COMMD10: variants seen among roughly 807,000 people sequenced by gnomAD.
COMMD10 encodes COMM domain-containing protein 10.
In COMMD10, 33 loss-of-function variants were observed where a neutral mutation model predicts 28.9. The ratio of observed to expected loss-of-function variants is 1.14; its 90% confidence interval spans 0.87 to 1.53. The LOEUF (loss-of-function observed/expected upper bound fraction) is 1.53. COMMD10 is among the 40% of genes most tolerant of loss of function. COMMD10 has a pLI of 0.00. For synonymous variants in COMMD10, 110 were observed against 81.7 expected, an observed-to-expected ratio of 1.35 and a Z score of -1.87; for missense variants, 310 against 233.4, an observed-to-expected ratio of 1.33 and a Z score of -2.14.
At chr5:116,216,911 C>T (rs1007942188) in intron 5 of COMMD10, among the ~76,000 whole-genome samples, 25 of 151,936 alleles carry the variant, frequency 1.6e-4, no homozygotes, top group Admixed American at 1.2e-3. Context: ...ATTTTTTAAC[C>T]TGTTCTTCAG....
At chr5:116,124,014 ACT>A (rs777013046) in intron 4 of COMMD10, among the ~76,000 whole-genome samples, 5 of 151,740 alleles carry the variant, frequency 3.3e-5, no homozygotes, top group Non-Finnish European at 5.9e-5. Context: ...TTTTCAAAAA[ACT>A]GGTTTCTGGA....
chr5:116,228,046 A>T (rs1011505721), intron 5 of COMMD10, among the ~76,000 whole-genome samples: 1 of 152,050 alleles, frequency 6.6e-6, no homozygotes, highest in Non-Finnish European at 1.5e-5. Context: ...AAACAGGATT[A>T]TGAGGTAGGA....
chr5:116,164,246 A>G (rs1753019291), intron 5 of COMMD10, among the ~76,000 whole-genome samples: 1 of 151,748 alleles, frequency 6.6e-6, no homozygotes. Context: ...GCTTGAACCC[A>G]GGAGGAGGAG....
In COMMD10 at chr5:116,269,915, C is replaced by G. The variant is rs1175558853; in HGVS notation, c.511-21602C>G. ...CCATTTCTGCATATTTTAATCCCAT[C>G]TCCAGAAACCAGGTTAATTTCACCT... On this transcript the variant is annotated intron_variant, in intron 5 of 6. Coordinates refer to ENST00000274458, the MANE Select transcript of COMMD10 (RefSeq NM_016144.4). 5.9e-5 allele frequency among the ~76,000 whole-genome samples: 9 copies of G among 151,772 alleles called. No homozygotes were observed. The South Asian group carries it at 1.2e-3, about 21-fold the overall frequency.
At chr5:116,220,479 T>G (rs1472960123) in intron 5 of COMMD10, among the ~76,000 whole-genome samples, 2 of 151,362 alleles carry the variant, frequency 1.3e-5, no homozygotes, top group African/African-American at 4.9e-5. Context: ...ACTTTGGGAG[T>G]GTTAGGGGAT....
At chr5:116,264,860 C>T (rs1750544770) in intron 5 of COMMD10, among the ~76,000 whole-genome samples, 1 of 151,792 alleles carries the variant, frequency 6.6e-6, no homozygotes, top group South Asian at 2.1e-4. Context: ...CAAGTCTATT[C>T]CATGTAAATG....
At chr5:116,185,030 T>A (rs927368713) in intron 5 of COMMD10, among the ~76,000 whole-genome samples, 3 of 152,074 alleles carry the variant, frequency 2.0e-5, no homozygotes, top group African/African-American at 7.2e-5. Context: ...TTATACAAAA[T>A]GTGTGATAAA....
chr5:116,101,753 T>G (rs1203446398), intron 4 of COMMD10, among the ~76,000 whole-genome samples: 1 of 152,216 alleles, frequency 6.6e-6, no homozygotes, highest in Non-Finnish European at 1.5e-5. Context: ...CCATTCTGAC[T>G]AGGGTAAGAT....
chr5:116,276,337 C>G (rs984943722), intron 5 of COMMD10, among the ~76,000 whole-genome samples: 1 of 151,710 alleles, frequency 6.6e-6, no homozygotes, highest in Non-Finnish European at 1.5e-5. Flanking sequence ...ACTGTAACCT[C>G]CACCTCCCAG....
intron 5 of COMMD10, among the ~76,000 whole-genome samples, chr5:116,224,869 A>C (rs536502416): frequency 3.3e-5 from 5 of 152,362 alleles, no homozygotes; most frequent in African/African-American, 1.2e-4. Flanking sequence ...TTGATAGTTC[A>C]TGGTTCTGTG....
At chr5:116,129,505 CTATAT>C (rs1751784912) in intron 4 of COMMD10, among the ~76,000 whole-genome samples, 1 of 1,290 alleles carries the variant, frequency 7.8e-4, no homozygotes, top group South Asian at 0.033. Context: ...TATATATATA[CTATAT>C]ACTAATGTAA....
intron 5 of COMMD10, among the ~76,000 whole-genome samples, chr5:116,198,292 G>A (rs958259153): frequency 2.0e-5 from 3 of 152,070 alleles, no homozygotes; most frequent in Non-Finnish European, 2.9e-5. Flanking sequence ...AGCAAACATT[G>A]TATTGACATA....
At chr5:116,159,344 T>C (rs1043223554) in intron 5 of COMMD10, among the ~76,000 whole-genome samples, 4 of 152,226 alleles carry the variant, frequency 2.6e-5, no homozygotes, top group Non-Finnish European at 4.4e-5. Flanking sequence ...ATTTGCACTT[T>C]TCATTTCCTC....
chr5:116,164,731 G>T (rs904799557), intron 5 of COMMD10, among the ~76,000 whole-genome samples: 1 of 145,140 alleles, frequency 6.9e-6, no homozygotes, highest in Non-Finnish European at 1.5e-5. Flanking sequence ...GTGTGGATCT[G>T]GGTATCACCA....
chr5:116,244,660 CAAAA>C (rs60360733), intron 5 of COMMD10, among the ~76,000 whole-genome samples: 6 of 79,486 alleles, frequency 7.5e-5, no homozygotes, highest in East Asian at 7.6e-4. Flanking sequence ...AAAAAAATTA[CAAAA>C]AAAAAAAAAA....
chr5:116,175,027 A>G (rs1006613930), intron 5 of COMMD10, among the ~76,000 whole-genome samples: 23 of 152,242 alleles, frequency 1.5e-4, no homozygotes, highest in Admixed American at 6.5e-4. Context: ...GCTGGGGAAC[A>G]GAGCTCTTTG....
chr5:116,113,965 C>T (rs188054102), intron 4 of COMMD10, among the ~76,000 whole-genome samples: 6 of 150,354 alleles, frequency 4.0e-5, no homozygotes, highest in African/African-American at 7.3e-5. Flanking sequence ...TATGTGACTT[C>T]GATGTTGGTT....
chr5:116,173,842 TG>T lies in COMMD10; in HGVS notation c.510+39665del, dbSNP rs758811919. Among the ~76,000 whole-genome samples, 1,268 of 141,734 alleles carry T rather than the reference TG, an allele frequency of 8.9e-3. 18 individuals carry two copies. The highest frequency in any genetic ancestry group is 0.035 in the African/African-American group (1,197 of 34,356). 93.0% of individuals were successfully genotyped at this position (141,734 alleles called of 152,430 possible). On this transcript the variant is annotated intron_variant, in intron 5 of 6. Coordinates refer to ENST00000274458, the MANE Select transcript of COMMD10 (RefSeq NM_016144.4). ...TTTGGGTTTTTGTTTTGTTTTGTTT[TG>T]TTTTTGTTTTTTTTTTTTTGGAACA...
intron 3 of COMMD10, 105 bp downstream of exon 3, chr5:116,091,294 G>A: frequency 1.9e-6 from 1 of 518,032 alleles, no homozygotes; most frequent in South Asian, 4.1e-5. Context: ...AAGTATGCAA[G>A]ATGGAAGCTG....
Sources: allele counts gnomAD v4.1 joint callset (sites outside exome capture counted in the v4.1 genomes callset), GRCh38; gene constraint gnomAD v4.1.1; transcripts MANE v1.5; gene names NCBI Gene and HGNC (gene_info 2026-07-23, HGNC 2026-07-21).